The following ANKS1B variants were observed in gnomAD, a reference collection of about 807,000 sequenced individuals.
The protein encoded by ANKS1B is ankyrin repeat and sterile alpha motif domain containing 1B.
A neutral mutation model predicts 148.3 loss-of-function variants in ANKS1B; 36 were observed. That is an observed-to-expected ratio of 0.24 (90% CI 0.19 to 0.32). The LOEUF (loss-of-function observed/expected upper bound fraction) is 0.32. Ranked by LOEUF, ANKS1B falls within the 10% of genes least tolerant of loss-of-function variation. The pLI is 1.00. For missense variants in ANKS1B, 1,157 were observed against 1,542.6 expected (o/e 0.75, Z 4.19); for synonymous variants, 542 against 560.8 (o/e 0.97, Z 0.47).
At chr12:99,129,791 ACTAT>A (rs1410001428) in intron 15 of ANKS1B, among the ~76,000 whole-genome samples, 1 of 152,200 alleles carries the variant, frequency 6.6e-6, no homozygotes, top group Admixed American at 6.5e-5. Flanking sequence ...TCCATTTAAG[ACTAT>A]CTATTACCAT....
At chr12:98,894,490 C>G in intron 17 of ANKS1B, 1 of 864,304 alleles carries the variant, frequency 1.2e-6, no homozygotes, top group Non-Finnish European at 1.4e-6. Context: ...ACACCTGCCC[C>G]GGCAAAGCGT....
intron 15 of ANKS1B, among the ~76,000 whole-genome samples, chr12:99,092,800 T>G (rs2054527830): frequency 6.6e-6 from 1 of 152,188 alleles, no homozygotes; most frequent in Non-Finnish European, 1.5e-5. Flanking sequence ...AAGAAGTACC[T>G]AAAAAGATTA....
intron 12 of ANKS1B, among the ~76,000 whole-genome samples, chr12:99,369,226 T>C (rs184455485): frequency 6.6e-6 from 1 of 152,312 alleles, no homozygotes. Context: ...ACCTATGAAG[T>C]ACCATACTCT....
At chr12:99,581,875 G>C (rs2153228919) in intron 9 of ANKS1B, among the ~76,000 whole-genome samples, 1 of 146,762 alleles carries the variant, frequency 6.8e-6, no homozygotes, top group African/African-American at 2.5e-5. Context: ...TCCAGCCTGG[G>C]CGACAGAGCG....
intron 17 of ANKS1B, among the ~76,000 whole-genome samples, chr12:98,833,948 A>G (rs1175936488): frequency 1.3e-5 from 2 of 152,158 alleles, no homozygotes; most frequent in Admixed American, 6.5e-5. Flanking sequence ...ATGTCTGTGT[A>G]GTATTTCATC....
chr12:99,184,490 T>A (rs1020628901), intron 14 of ANKS1B, among the ~76,000 whole-genome samples: 1 of 152,198 alleles, frequency 6.6e-6, no homozygotes, highest in Non-Finnish European at 1.5e-5. Flanking sequence ...GAGTTAGAGA[T>A]CTAGATTCCA....
intron 13 of ANKS1B, among the ~76,000 whole-genome samples, chr12:99,245,049 T>C (rs2090027790): frequency 6.6e-6 from 1 of 152,118 alleles, no homozygotes; most frequent in Non-Finnish European, 1.5e-5. Flanking sequence ...GAGATGTGAT[T>C]TTGCCATGTT....
intron 25 of ANKS1B, among the ~76,000 whole-genome samples, chr12:98,762,467 T>A (rs2153443931): frequency 6.6e-6 from 1 of 152,334 alleles, no homozygotes; most frequent in Middle Eastern, 3.4e-3. Flanking sequence ...AGAGAGGCAG[T>A]CACCACCAAC....
chr12:99,249,165 T>A (rs1245614883), intron 12 of ANKS1B, among the ~76,000 whole-genome samples: 1 of 152,134 alleles, frequency 6.6e-6, no homozygotes, highest in African/African-American at 2.4e-5. Context: ...AGAATTTCAT[T>A]TTGAAAGTTG....
chr12:99,720,816 C>T (rs2058003255), intron 8 of ANKS1B, among the ~76,000 whole-genome samples: 2 of 152,188 alleles, frequency 1.3e-5, no homozygotes, highest in Admixed American at 6.5e-5. Flanking sequence ...TTCTCAACTA[C>T]TCATACATGC....
intron 17 of ANKS1B, among the ~76,000 whole-genome samples, chr12:99,028,262 A>T (rs1377676436): frequency 2.0e-5 from 3 of 152,174 alleles, no homozygotes; most frequent in Non-Finnish European, 2.9e-5. Context: ...GTGCAAGCCA[A>T]ACTCTCTCAA....
chr12:98,945,096 A>G (rs993218883), intron 17 of ANKS1B, among the ~76,000 whole-genome samples: 12 of 152,204 alleles, frequency 7.9e-5, no homozygotes, highest in African/African-American at 2.2e-4. Context: ...GCTTTTCTGT[A>G]TATTTATGTA....
chr12:99,506,109 G>T (rs560132048), intron 9 of ANKS1B, among the ~76,000 whole-genome samples: 1 of 152,134 alleles, frequency 6.6e-6, no homozygotes, highest in South Asian at 2.1e-4. Flanking sequence ...CTGATGTACG[G>T]TTTCTACTGA....
chr12:98,889,356 T>TA lies in ANKS1B; in HGVS notation c.2779-57221_2779-57220insT, dbSNP rs1491305882. Among the ~76,000 whole-genome samples the TA allele has an allele frequency of 6.9e-5, 10 of 144,050 alleles. No individual in the cohort carries two copies. In the East Asian group the frequency reaches 1.0e-3, roughly 14 times the overall value. The allele number at this position is 144,050 out of a possible 152,430, so 94.5% of individuals were successfully genotyped here. A position where few individuals can be genotyped will look rare whatever the true frequency, so the allele number is the denominator to read the frequency against. On this transcript the variant is annotated intron_variant, in intron 17 of 26. Coordinates refer to ENST00000683438, the MANE Select transcript of ANKS1B (RefSeq NM_001352186.2). Reference sequence around the variant, plus strand: ...GAACGTCAGAACCTTTTTTATTTTTTTTTTTTTTGAGACAGTGTTTCACTC... The same window carrying TA: ...GAACGTCAGAACCTTTTTTATTTTTTATTTTTTTTGAGACAGTGTTTCACTC...
chr12:99,278,078 A>C (rs1228039299), intron 12 of ANKS1B, among the ~76,000 whole-genome samples: 1 of 152,242 alleles, frequency 6.6e-6, no homozygotes, highest in African/African-American at 2.4e-5. Context: ...CCAAAGATTA[A>C]TATTCCCTTC....
intron 8 of ANKS1B, among the ~76,000 whole-genome samples, chr12:99,759,029 G>A (rs1208402846): frequency 4.0e-5 from 6 of 151,704 alleles, no homozygotes; most frequent in Middle Eastern, 3.2e-3. Flanking sequence ...TAATGATCCC[G>A]CTTCTCACTA....
intron 14 of ANKS1B, among the ~76,000 whole-genome samples, chr12:99,223,417 G>A (rs1463633289): frequency 3.9e-5 from 6 of 151,944 alleles, no homozygotes; most frequent in Admixed American, 2.0e-4. Flanking sequence ...TCACTACAAC[G>A]TAGAATCAGT....
At chr12:98,785,742 G>A (rs909917363) in intron 22 of ANKS1B, among the ~76,000 whole-genome samples, 4 of 152,128 alleles carry the variant, frequency 2.6e-5, no homozygotes, top group African/African-American at 4.8e-5. Context: ...CTGAGCACGT[G>A]CTCTCAGGCA....
intron 8 of ANKS1B, among the ~76,000 whole-genome samples, chr12:99,739,137 C>A (rs557422542): frequency 6.6e-6 from 1 of 151,896 alleles, no homozygotes; most frequent in Admixed American, 6.6e-5. Flanking sequence ...ACTTTCACAA[C>A]CTCCATGTCT....
Sources: allele counts gnomAD v4.1 joint callset (sites outside exome capture counted in the v4.1 genomes callset), GRCh38; gene constraint gnomAD v4.1.1; transcripts MANE v1.5; gene names NCBI Gene and HGNC (gene_info 2026-07-23, HGNC 2026-07-21).